Variants in ADIPOR2 observed in about 807,000 individuals in gnomAD.
The protein encoded by ADIPOR2 is adiponectin receptor protein 2.
ADIPOR2 carries 18 observed loss-of-function variants against 40.9 expected under a neutral mutation model. That is an observed-to-expected ratio of 0.44 (90% confidence interval 0.30 to 0.65). The LOEUF (loss-of-function observed/expected upper bound fraction) is 0.65, where lower values mean the gene tolerates loss of function less well. ADIPOR2 is among the 30% of genes least tolerant of loss of function. The pLI is 0.09. For synonymous variants in ADIPOR2, 165 were observed against 166.4 expected (o/e 0.99, Z 0.06); for missense variants, 283 against 479.2 (o/e 0.59, Z 3.82).
intron 1 of ADIPOR2, among the ~76,000 whole-genome samples, chr12:1,716,899 C>A (rs1362454485): frequency 7.9e-5 from 12 of 152,122 alleles, no homozygotes; most frequent in Admixed American, 3.9e-4. Context: ...TGGGAGATGG[C>A]TGGAATATTT....
At chr12:1,739,746 CACTG>C (rs1312652300) in intron 1 of ADIPOR2, among the ~76,000 whole-genome samples, 12 of 152,150 alleles carry the variant, frequency 7.9e-5, no homozygotes. Context: ...GTGTTATGAG[CACTG>C]ACTTTTTATG....
intron 1 of ADIPOR2, among the ~76,000 whole-genome samples, chr12:1,711,352 G>T (rs1440333117): frequency 2.6e-5 from 4 of 152,092 alleles, no homozygotes; most frequent in African/African-American, 9.7e-5. Flanking sequence ...GGTATTAGTT[G>T]TATGGCCCTG....
chr12:1,719,864 A>G (rs2094694517), intron 1 of ADIPOR2, among the ~76,000 whole-genome samples: 1 of 152,018 alleles, frequency 6.6e-6, no homozygotes. Context: ...TTTAGCAGAG[A>G]TGGGGTTTTA....
intron 1 of ADIPOR2, among the ~76,000 whole-genome samples, chr12:1,749,832 G>GTTT (rs57852014): frequency 1.3e-4 from 15 of 119,220 alleles, no homozygotes; most frequent in African/African-American, 3.2e-4. Flanking sequence ...TATTTGTTTA[G>GTTT]TTTTTTTTTT....
intron 1 of ADIPOR2, among the ~76,000 whole-genome samples, chr12:1,721,695 G>A (rs2094698248): frequency 6.6e-6 from 1 of 152,182 alleles, no homozygotes; most frequent in Non-Finnish European, 1.5e-5. Context: ...ATGTAATAAG[G>A]AGAGACTGAG....
chr12:1,728,289 T>G (rs2094712080), intron 1 of ADIPOR2, among the ~76,000 whole-genome samples: 1 of 151,714 alleles, frequency 6.6e-6, no homozygotes, highest in Non-Finnish European at 1.5e-5. Flanking sequence ...ATTTTTGTAT[T>G]TTTAGTAGAG....
intron 1 of ADIPOR2, chr12:1,695,843 CTT>C (rs1412851855): frequency 3.3e-5 from 5 of 151,032 alleles, no homozygotes; most frequent in Admixed American, 2.6e-4. Flanking sequence ...CTTTTTCTCT[CTT>C]TTTATTTTTC....
At chr12:1,729,157 T>C (rs1405075573) in intron 1 of ADIPOR2, among the ~76,000 whole-genome samples, 1 of 152,124 alleles carries the variant, frequency 6.6e-6, no homozygotes, top group Non-Finnish European at 1.5e-5. Flanking sequence ...CTGTTGGTCT[T>C]CCCCATTCTT....
intron 1 of ADIPOR2, among the ~76,000 whole-genome samples, chr12:1,720,993 CCCTCCCTGAT>C (rs2094696768): frequency 2.6e-5 from 4 of 152,088 alleles, no homozygotes; most frequent in Non-Finnish European, 5.9e-5. Flanking sequence ...CCTGGAAGCT[CCCTCCCTGAT>C]TTGAGTCTTC....
rs34875796 is a variant in ADIPOR2 at position 1,787,463 on chromosome 12, C to G, written c.*1391C>G. ...TAAGAGTGGTGTGGCATTTTAAATA[C>G]AATGGTATGTTATTGCCAGGGAGTG... On this transcript the variant is annotated 3_prime_UTR_variant, in exon 8 of 8. Transcript: ENST00000357103. 1.3e-5 allele frequency: 2 copies of G among 152,180 alleles called. No homozygotes were observed. The highest frequency in any genetic ancestry group is 2.9e-5 in the Non-Finnish European group (2 of 68,036). 9.4% of individuals were successfully genotyped at this position (152,180 alleles called of 1,614,324 possible).
intron 2 of ADIPOR2, chr12:1,757,446 C>T: frequency 1.2e-5 from 9 of 723,424 alleles, no homozygotes; most frequent in Non-Finnish European, 2.6e-6. Context: ...GGTTATCACA[C>T]CAGTTCTTCC....
intron 1 of ADIPOR2, chr12:1,697,697 A>G (rs2094642120): frequency 6.5e-6 from 1 of 152,698 alleles, no homozygotes; most frequent in Non-Finnish European, 1.5e-5. Context: ...AGCTCTAGCA[A>G]ACTTGATGGA....
At chr12:1,777,308 T>G (rs1400137975) in intron 3 of ADIPOR2, among the ~76,000 whole-genome samples, 1 of 152,098 alleles carries the variant, frequency 6.6e-6, no homozygotes, top group Non-Finnish European at 1.5e-5. Flanking sequence ...AACCACTCTT[T>G]TAGGGCATTT....
intron 1 of ADIPOR2, among the ~76,000 whole-genome samples, chr12:1,691,743 C>T (rs2094627575): frequency 6.6e-6 from 1 of 152,140 alleles, no homozygotes; most frequent in East Asian, 1.9e-4. Context: ...CCCAAGCCCC[C>T]GTCCGTCAGT....
intron 1 of ADIPOR2, among the ~76,000 whole-genome samples, chr12:1,725,535 C>G (rs1377231202): frequency 1.3e-5 from 2 of 152,116 alleles, no homozygotes; most frequent in Non-Finnish European, 2.9e-5. Context: ...TATTTATAGT[C>G]TATATGTTGA....
chr12:1,704,921 G>C (rs1418859200), intron 1 of ADIPOR2, among the ~76,000 whole-genome samples: 1 of 152,122 alleles, frequency 6.6e-6, no homozygotes, highest in Non-Finnish European at 1.5e-5. Flanking sequence ...AAAGATTGTA[G>C]ATACAAGTTT....
At chr12:1,691,634 C>T (rs1397550339) in intron 1 of ADIPOR2, among the ~76,000 whole-genome samples, 1 of 152,198 alleles carries the variant, frequency 6.6e-6, no homozygotes, top group Non-Finnish European at 1.5e-5. Context: ...GATGGGCTCT[C>T]TCAGCGCTAC....
At chr12:1,782,761 A>G (rs1216479726) in intron 6 of ADIPOR2, among the ~76,000 whole-genome samples, 2 of 152,074 alleles carry the variant, frequency 1.3e-5, no homozygotes, top group Non-Finnish European at 2.9e-5. Flanking sequence ...TGGAGGCAGT[A>G]AGGCAGTAGG....
intron 1 of ADIPOR2, among the ~76,000 whole-genome samples, chr12:1,722,051 C>T (rs1361286693): frequency 3.3e-5 from 5 of 152,164 alleles, no homozygotes; most frequent in East Asian, 1.9e-4. Context: ...AGATTACTGT[C>T]GCTGCCGTGT....
Sources: gnomAD v4.1 joint callset for allele counts (sites outside exome capture counted in the v4.1 genomes callset) on GRCh38, gnomAD v4.1.1 for gene constraint, MANE v1.5 for transcripts, NCBI Gene and HGNC (gene_info 2026-07-23, HGNC 2026-07-21) for gene names.